The following EXOSC10 variants were observed in gnomAD, a reference collection of about 807,000 sequenced individuals.
EXOSC10 encodes the protein exosome complex component 10.
In EXOSC10, 94 loss-of-function variants were observed where a neutral mutation model predicts 126.6. The observed-to-expected ratio is 0.74, with a 90% CI of 0.63 to 0.88. The LOEUF (loss-of-function observed/expected upper bound fraction) is 0.88, where lower values mean the gene tolerates loss of function less well. Among genes scored for constraint, EXOSC10 ranks in the 40% least tolerant of loss-of-function variants. The probability of loss-of-function intolerance (pLI) is 0.00; values close to 1 mark genes in which losing one functional copy is unlikely to be tolerated. For synonymous variants in EXOSC10, 395 were observed against 400.8 expected, an observed-to-expected ratio of 0.99 and a Z score of 0.17; for missense variants, 1,041 against 1,100.5, an observed-to-expected ratio of 0.95 and a Z score of 0.77.
Position 11,078,264 on chromosome 1 carries a change from C to CTTTTTTTTTTTTTTTTTT in EXOSC10, c.1750-614_1750-613insAAAAAAAAAAAAAAAAAA, listed in dbSNP as rs1220119181. On this transcript the variant is annotated intron_variant, in intron 14 of 24. Coordinates refer to ENST00000376936, the MANE Select transcript of EXOSC10 (RefSeq NM_001001998.3). ...TGGGTGTCAGAGCAAGACCCTGTTTCTTTTTTTTTTTGAGACGGAGTCTCG... is the reference window on the plus strand; with the variant it reads ...TGGGTGTCAGAGCAAGACCCTGTTTCTTTTTTTTTTTTTTTTTTTTTTTTTTTTTGAGACGGAGTCTCG... Among the ~76,000 whole-genome samples, 1,134 of 143,026 alleles carry CTTTTTTTTTTTTTTTTTT rather than the reference C, an allele frequency of 7.9e-3. 19 individuals are homozygous for CTTTTTTTTTTTTTTTTTT. The highest frequency in any genetic ancestry group is 0.026 in the East Asian group (118 of 4,590). The allele number at this position is 143,026 out of a possible 152,430, so 93.8% of individuals were successfully genotyped here.
chr1:11,080,796 A>G lies in EXOSC10; in HGVS notation c.1554T>C (p.Asp518=), dbSNP rs1557704669. The change falls in exon 12 of 25, where the codon GAT becomes GAC. Residue 518 remains aspartate, a synonymous_variant. Transcript: ENST00000376936. ...TAFQLLFAWR[D]KTARREDESY... Reference sequence around the variant, plus strand: ...TTTCATCTTCCCTGCGAGCTGTTTTATCCCTCCAGGCAAACAGCAGCTGAA... The same window carrying G: ...TTTCATCTTCCCTGCGAGCTGTTTTGTCCCTCCAGGCAAACAGCAGCTGAA... The G allele has an allele frequency of 1.2e-6, 2 of 1,614,218 alleles. No individual in the cohort carries two copies. The highest frequency in any genetic ancestry group is 1.7e-6 in the Non-Finnish European group (2 of 1,180,036).
intron 2 of EXOSC10, 31 bp downstream of exon 2, chr1:11,097,989 C>T (rs745360163): frequency 1.4e-6 from 2 of 1,479,958 alleles, no homozygotes; most frequent in African/African-American, 2.9e-5. Flanking sequence ...TTTCTTTTCA[C>T]TAACACAAGA....
At chr1:11,094,603 CTTT>C (rs772853273) in intron 3 of EXOSC10, among the ~76,000 whole-genome samples, 6 of 128,000 alleles carry the variant, frequency 4.7e-5, no homozygotes, top group African/African-American at 1.2e-4. Flanking sequence ...GCCAGGCCAC[CTTT>C]TTTTTTTTTT....
At chr1:11,080,596 A>G (rs1355672104) in intron 12 of EXOSC10, 47 bp from the exon 13 acceptor site, 1 of 1,532,602 alleles carries the variant, frequency 6.5e-7, no homozygotes, top group African/African-American at 1.6e-5. Context: ...ACACACACAC[A>G]CACACACACG....
chr1:11,084,199 C>T (rs1296406003), intron 9 of EXOSC10, among the ~76,000 whole-genome samples: 3 of 152,174 alleles, frequency 2.0e-5, no homozygotes, highest in Non-Finnish European at 4.4e-5. Context: ...TGAGGAATTG[C>T]CACACTGACT....
At chr1:11,087,320 C>T (rs148124174) in intron 9 of EXOSC10, 128 bp downstream of exon 9, 10 of 1,106,444 alleles carry the variant, frequency 9.0e-6, no homozygotes, top group Non-Finnish European at 1.3e-5. Flanking sequence ...AGCACTGTAC[C>T]CTAGTTAGGA....
rs764243431 is a variant in EXOSC10, at chr1:11,074,266, T to C, written c.2047A>G (p.Asn683Asp). The C allele has an allele frequency of 3.3e-5, 54 of 1,614,052 alleles. No homozygotes were observed. Among genetic ancestry groups the C allele is most frequent in the Non-Finnish European group, 4.2e-5 (49 of 1,180,018 alleles). Residue 683 changes from asparagine to aspartate, a missense_variant, in exon 18 of 25, where the codon AAC becomes GAC. Coordinates refer to ENST00000376936, the MANE Select transcript of EXOSC10 (RefSeq NM_001001998.3). ...PLTVAQKKAQNIMESFENPFR... is the reference protein window; with the variant it reads ...PLTVAQKKAQDIMESFENPFR... ...GGATTTTCAAAGGACTCCATGATGT[T>C]CTGGGCTTTTTTCTGTGCAACTGTC...
Position 11,090,544 on chromosome 1 carries a change from C to G in EXOSC10, c.758+10G>C. 1 of 1,608,816 alleles carries G rather than the reference C, an allele frequency of 6.2e-7. No individual in the cohort carries two copies. The highest frequency in any genetic ancestry group is 8.5e-7 in the Non-Finnish European group (1 of 1,175,412). On this transcript the variant is annotated intron_variant, in intron 6 of 24. Transcript: ENST00000376936. Reference sequence around the variant, plus strand: ...TCACGGCAGAAAGTCAGACACAGGCCAACACTTACATGTCTTGCTCAACCT... The same window carrying G: ...TCACGGCAGAAAGTCAGACACAGGCGAACACTTACATGTCTTGCTCAACCT...
chr1:11,090,615 C>T lies in EXOSC10; in HGVS notation c.697G>A (p.Val233Ile), dbSNP rs141507365. 3.9e-5 allele frequency: 63 copies of T among 1,613,904 alleles called. 2 individuals carry two copies. In the South Asian group the frequency reaches 4.1e-4, roughly 10 times the overall value. ...ATGAAATCAGCCAGTGCAGGGGGGA[C>T]GTCCAAGTCCTCAGGACGATCCTGT... ...RPQDRPEDLD[V>I]PPALADFIHQ... is the part of the protein sequence containing the mutation. Residue 233 changes from valine (V) to isoleucine (I), a missense_variant, in exon 6 of 25, where the codon GTC becomes ATC. Val to Ile is a conservative substitution (Grantham distance 29). Around this residue, in one of 3 missense-constraint regions of EXOSC10, gnomAD observed 645 missense variants for 656.3 expected, o/e 0.98. Transcript: ENST00000376936.
At chr1:11,085,344 G>T (rs190389157) in intron 9 of EXOSC10, among the ~76,000 whole-genome samples, 1 of 152,024 alleles carries the variant, frequency 6.6e-6, no homozygotes, top group Non-Finnish European at 1.5e-5. Flanking sequence ...GGTCCTTCAC[G>T]TCCCTTGTAA....
chr1:11,076,979 C>T (rs777750877), intron 16 of EXOSC10, 31 bp from the exon 17 acceptor site: 2 of 1,551,058 alleles, frequency 1.3e-6, no homozygotes, highest in Non-Finnish European at 1.8e-6. Context: ...AAGGTCAAAG[C>T]CTACAGAATT....
chr1:11,074,833 A>G (rs1639723981), intron 17 of EXOSC10, among the ~76,000 whole-genome samples: 1 of 152,182 alleles, frequency 6.6e-6, no homozygotes, highest in Non-Finnish European at 1.5e-5. Flanking sequence ...GTGCTGGATC[A>G]GTGAATTCTC....
At chr1:11,092,021 T>C (rs1021328068) in intron 3 of EXOSC10, among the ~76,000 whole-genome samples, 26 of 152,172 alleles carry the variant, frequency 1.7e-4, no homozygotes, top group Non-Finnish European at 2.4e-4. Context: ...AGATTGGTAT[T>C]CAGAGACATT....
intron 17 of EXOSC10, 24 bp from the exon 18 acceptor site, chr1:11,074,350 T>C: frequency 6.6e-7 from 1 of 1,508,334 alleles, no homozygotes; most frequent in Non-Finnish European, 9.2e-7. Context: ...CAAAAAACGA[T>C]CACTAATGAC....
chr1:11,068,281 C>T (rs1358292510), intron 23 of EXOSC10, among the ~76,000 whole-genome samples, 197 bp from the exon 24 acceptor site: 1 of 152,174 alleles, frequency 6.6e-6, no homozygotes, highest in East Asian at 1.9e-4. Context: ...CACCCCAAAG[C>T]AGCCCTGCCC....
At position 11,068,830 on chromosome 1, in the gene EXOSC10, C is replaced by T. The variant is rs141527077; in HGVS notation, c.2489-124G>A. The T allele has an allele frequency of 5.9e-3, 4,561 of 769,214 alleles. 137 individuals are homozygous for T. In the Admixed American group the frequency reaches 0.06, roughly 10 times the overall value. The allele number at this position is 769,214 out of a possible 1,614,324, so 47.6% of individuals were successfully genotyped here. On this transcript the variant is annotated intron_variant, in intron 22 of 24. Coordinates refer to ENST00000376936, the MANE Select transcript of EXOSC10 (RefSeq NM_001001998.3). Reference sequence around the variant, plus strand: ...CTTGGCTGTGAGAGCACCCCTGTCACGATGAGGGGCTAGGGCTCATGGCTC... The same window carrying T: ...CTTGGCTGTGAGAGCACCCCTGTCATGATGAGGGGCTAGGGCTCATGGCTC...
At chr1:11,098,439 G>A (rs149996847) in intron 1 of EXOSC10, among the ~76,000 whole-genome samples, 2 of 152,244 alleles carry the variant, frequency 1.3e-5, no homozygotes, top group African/African-American at 4.8e-5. Context: ...ACTCTGCTAC[G>A]TATTAACTGA....
chr1:11,087,487 G>A lies in EXOSC10; in HGVS notation c.1050C>T (p.Tyr350=), dbSNP rs371097121. 2.4e-5 allele frequency: 39 copies of A among 1,613,986 alleles called. 1 individual carries two copies. The Middle Eastern group carries it at 2.5e-3, about 102-fold the overall frequency. ...IDTLELRSDM[Y]ILNESLTDPA... ...GGTCTGTGAGGCTCTCATTGAGAAT[G>A]TACATGTCACTTCGAAGCTCGAGGG... The change falls in exon 9 of 25, where the codon TAC becomes TAT. Residue 350 remains tyrosine, a synonymous_variant. Coordinates refer to ENST00000376936, the MANE Select transcript of EXOSC10 (RefSeq NM_001001998.3).
intron 5 of EXOSC10, 122 bp downstream of exon 5, chr1:11,090,892 G>T: frequency 1.9e-6 from 2 of 1,056,534 alleles, no homozygotes; most frequent in Non-Finnish European, 2.8e-6. Flanking sequence ...GCTGAACTGG[G>T]CTCCCTTTGA....
Sources: allele counts gnomAD v4.1 joint callset (sites outside exome capture counted in the v4.1 genomes callset), GRCh38; gene constraint gnomAD v4.1.1; regional missense constraint gnomAD v4.1.1; transcripts MANE v1.5; gene names NCBI Gene and HGNC (gene_info 2026-07-23, HGNC 2026-07-21).